The following NOTCH2 variants were observed in gnomAD, a reference collection of about 807,000 sequenced individuals.
NOTCH2 encodes neurogenic locus notch homolog protein 2.
Under a neutral mutation model 235.8 loss-of-function variants are expected in NOTCH2, and 29 were observed. That is an observed-to-expected ratio of 0.12 (90% CI 0.09 to 0.17). The LOEUF is 0.17. Ranked by LOEUF, NOTCH2 falls within the 10% of genes least tolerant of loss-of-function variation. The pLI is 1.00. For missense variants in NOTCH2, 2,285 were observed against 3,150.2 expected (o/e 0.73, Z 6.57); for synonymous variants, 1,086 against 1,141.5 (o/e 0.95, Z 0.98).
At chr1:119,984,284 T>C (rs1391476506) in intron 5 of NOTCH2, among the ~76,000 whole-genome samples, 1 of 152,174 alleles carries the variant, frequency 6.6e-6, no homozygotes, top group African/African-American at 2.4e-5. Flanking sequence ...CAATTTTATA[T>C]AGAAAAAAGA....
intron 27 of NOTCH2, 24 bp downstream of exon 27, chr1:119,922,612 C>T (rs1649325567): frequency 6.2e-7 from 1 of 1,613,620 alleles, no homozygotes; most frequent in Non-Finnish European, 8.5e-7. Flanking sequence ...CGCCACCTTT[C>T]CCCTTTACAC....
At position 119,920,345 on chromosome 1, in the gene NOTCH2, G is replaced by A; in HGVS notation, c.5363C>T (p.Pro1788Leu). 2.5e-6 allele frequency: 4 copies of A among 1,614,200 alleles called. No individual in the cohort carries two copies. Among genetic ancestry groups the A allele is most frequent in the Non-Finnish European group, 3.4e-6 (4 of 1,180,026 alleles). ...AGCTTCAAGGTGCTGCTGTGTCCAT[G>A]GCCGTCGATCAATGGGGTCATCTTC... is the stretch of plus-strand genomic sequence containing the variant. ...SEEDDPIDRR[P>L]WTQQHLEAAD... Residue 1788 changes from proline to leucine, a missense_variant, in exon 30 of 34, where the codon CCA becomes CTA. Physicochemically the swap from Pro to Leu is moderately conservative, Grantham distance 98. Coordinates refer to ENST00000256646, the MANE Select transcript of NOTCH2 (RefSeq NM_024408.4).
Position 119,915,307 on chromosome 1 carries a change from C to G in NOTCH2, c.7415G>C (p.Ter2472SerextTer7). ...TCTCTACACTGGAGGTGGACTCTCT[C>G]ACGCATAAACCTGCATGTTGTTGTG... is the stretch of plus-strand genomic sequence containing the variant. ...PPHNNMQVYA[*>S] Residue 2472 changes from the stop codon to serine (S), a stop_lost, in exon 34 of 34, where the codon TGA becomes TCA. Transcript: ENST00000256646. 1 of 1,612,944 alleles carries G rather than the reference C, an allele frequency of 6.2e-7. No individual in the cohort carries two copies. The highest frequency in any genetic ancestry group is 8.5e-7 in the Non-Finnish European group (1 of 1,180,022).
intron 1 of NOTCH2, among the ~76,000 whole-genome samples, chr1:120,058,162 CATA>C (rs1655184955): frequency 6.6e-6 from 1 of 151,784 alleles, no homozygotes; most frequent in Admixed American, 6.6e-5. Context: ...ATGATAGACA[CATA>C]ATAATAAAAA....
rs146014987 is a variant in NOTCH2 at position 119,937,988 on chromosome 1, C to T, written c.3206G>A (p.Arg1069Gln). Residue 1069 changes from arginine to glutamine, a missense_variant, in exon 20 of 34, where the codon CGG (arginine) becomes CAG (glutamine). Transcript: ENST00000256646. Reference sequence around the variant, plus strand: ...AGTACCTTTGTTTTTACATGGAGACCGACTGCAGAGATTCACCAGGGTCTG... The same window carrying T: ...AGTACCTTTGTTTTTACATGGAGACTGACTGCAGAGATTCACCAGGGTCTG... ...NCQTLVNLCS[R>Q]SPCKNKGTCV... 79 of 1,614,104 alleles carry T rather than the reference C, an allele frequency of 4.9e-5. No individual in the cohort carries two copies. Among genetic ancestry groups the T allele is most frequent in the African/African-American group, 4.0e-4 (30 of 75,004 alleles).
chr1:119,918,635 G>C, intron 31 of NOTCH2, 82 bp from the exon 32 acceptor site: 2 of 1,398,218 alleles, frequency 1.4e-6, no homozygotes, highest in East Asian at 4.6e-5. Flanking sequence ...AAGGGCATCA[G>C]AGCTGAGGCT....
chr1:119,973,959 A>T (rs970436626), intron 5 of NOTCH2, among the ~76,000 whole-genome samples: 28 of 151,372 alleles, frequency 1.8e-4, no homozygotes, highest in African/African-American at 6.4e-4. Flanking sequence ...TCGGAACTTG[A>T]TACAACAAGT....
At position 119,953,587 on chromosome 1, in the gene NOTCH2, T is replaced by C; in HGVS notation, c.2321A>G (p.Asn774Ser). The change falls in exon 14 of 34, where the codon AAT (asparagine) becomes AGT (serine). Residue 774 changes from asparagine (N) to serine (S), a missense_variant. Asn to Ser is a conservative substitution (Grantham distance 46). Coordinates refer to ENST00000256646, the MANE Select transcript of NOTCH2 (RefSeq NM_024408.4). ...AGTACACCTGTATCCATTCACCAGATTGTCACAAGTTCCTCCATTCTGGCA... is the reference window on the plus strand; with the variant it reads ...AGTACACCTGTATCCATTCACCAGACTGTCACAAGTTCCTCCATTCTGGCA... ...NPCQNGGTCDNLVNGYRCTCK... is the reference protein window; with the variant it reads ...NPCQNGGTCDSLVNGYRCTCK... 1 of 1,614,202 alleles carries C rather than the reference T, an allele frequency of 6.2e-7. No homozygotes were observed. The highest frequency in any genetic ancestry group is 8.5e-7 in the Non-Finnish European group (1 of 1,180,032).
chr1:119,912,719 G>A lies in NOTCH2; in HGVS notation c.*2587C>T, dbSNP rs1648932425. ...AAAAGATGTGTCTCATAAAAACTGAGTCTCCAATTCAGAACCCAAATGAGA... is the reference window on the plus strand; with the variant it reads ...AAAAGATGTGTCTCATAAAAACTGAATCTCCAATTCAGAACCCAAATGAGA... On this transcript the variant is annotated 3_prime_UTR_variant, in exon 34 of 34. Coordinates refer to ENST00000256646, the MANE Select transcript of NOTCH2 (RefSeq NM_024408.4). 4.3e-6 allele frequency: 1 copy of A among 233,310 alleles called. No individual in the cohort carries two copies. The highest frequency in any genetic ancestry group is 8.5e-6 in the Non-Finnish European group (1 of 118,004). 14.5% of individuals were successfully genotyped at this position (233,310 alleles called of 1,614,324 possible).
intron 2 of NOTCH2, among the ~76,000 whole-genome samples, chr1:120,025,385 C>T (rs1407103393): frequency 6.6e-6 from 1 of 152,152 alleles, no homozygotes; most frequent in African/African-American, 2.4e-5. Context: ...ACACTTACCA[C>T]TGAACCCCTA....
chr1:119,952,206 T>C (rs1553197883), intron 14 of NOTCH2, among the ~76,000 whole-genome samples: 1 of 152,204 alleles, frequency 6.6e-6, no homozygotes, highest in Non-Finnish European at 1.5e-5. Context: ...TTTTACACAA[T>C]TCCCATGACT....
At position 119,970,728 on chromosome 1, in the gene NOTCH2, C is replaced by A. The variant is rs182916502; in HGVS notation, c.875-984G>T. 2.0e-5 allele frequency among the ~76,000 whole-genome samples: 3 copies of A among 152,284 alleles called. No homozygotes were observed. The East Asian group carries it at 5.8e-4, about 29-fold the overall frequency. ...TAACAAAAACAGTATAGGGCCAGAT[C>A]ATATGAGCTATAAAATAAAGTGGTG... On this transcript the variant is annotated intron_variant, in intron 5 of 33. Transcript: ENST00000256646.
intron 17 of NOTCH2, among the ~76,000 whole-genome samples, chr1:119,945,204 T>C (rs1268210661): frequency 6.6e-5 from 10 of 152,084 alleles, no homozygotes; most frequent in Admixed American, 3.9e-4. Context: ...CTAAAAAATA[T>C]GTAACCAATA....
At chr1:119,961,957 T>C (rs1470278925) in intron 11 of NOTCH2, among the ~76,000 whole-genome samples, 1 of 152,200 alleles carries the variant, frequency 6.6e-6, no homozygotes, top group African/African-American at 2.4e-5. Flanking sequence ...CCCAGGTCCC[T>C]GATACATGCC....
In NOTCH2 at chr1:119,912,754, T is replaced by TC. The variant is rs1648933388; in HGVS notation, c.*2551dup. On this transcript the variant is annotated 3_prime_UTR_variant, in exon 34 of 34. Coordinates refer to ENST00000256646, the MANE Select transcript of NOTCH2 (RefSeq NM_024408.4). ...CAGAACCCAAATGAGAAAGTGATTATCCATCTTACCTTCCCTTTTATTAGA... is the reference window on the plus strand; with the variant it reads ...CAGAACCCAAATGAGAAAGTGATTATCCCATCTTACCTTCCCTTTTATTAGA... 1.7e-5 allele frequency: 4 copies of TC among 233,554 alleles called. No homozygotes were observed. The Admixed American group carries it at 2.2e-4, about 13-fold the overall frequency. The allele number at this position is 233,554 out of a possible 1,614,324, so 14.5% of individuals were successfully genotyped here.
At chr1:119,967,698 A>G (rs1651196915) in intron 7 of NOTCH2, 77 bp from the exon 8 acceptor site, 3 of 1,279,218 alleles carry the variant, frequency 2.3e-6, no homozygotes, top group Admixed American at 1.7e-5. Context: ...AGAGCATCTG[A>G]TGGTTATAGC....
intron 10 of NOTCH2, among the ~76,000 whole-genome samples, chr1:119,964,266 T>A (rs782703169): frequency 5.9e-5 from 9 of 152,228 alleles, no homozygotes; most frequent in Non-Finnish European, 1.2e-4. Flanking sequence ...GAGAGTAGTA[T>A]GCATATATAG....
intron 1 of NOTCH2, among the ~76,000 whole-genome samples, chr1:120,066,525 TG>T (rs1655512029): frequency 6.7e-6 from 1 of 150,006 alleles, no homozygotes; most frequent in African/African-American, 2.5e-5. Context: ...GCAAATTTTG[TG>T]GGCAAAATAG....
intron 5 of NOTCH2, among the ~76,000 whole-genome samples, chr1:119,982,281 C>T (rs1412009512): frequency 6.6e-6 from 1 of 152,214 alleles, no homozygotes; most frequent in Non-Finnish European, 1.5e-5. Context: ...ACTTCTGCTT[C>T]ATGTCCCAGA....
Sources: gnomAD v4.1 joint callset for allele counts (sites outside exome capture counted in the v4.1 genomes callset) on GRCh38, gnomAD v4.1.1 for gene constraint, MANE v1.5 for transcripts, NCBI Gene and HGNC (gene_info 2026-07-23, HGNC 2026-07-21) for gene names.